The following MYRIP variants were observed in gnomAD, a reference collection of about 807,000 sequenced individuals.
MYRIP encodes the protein myosin VIIA and Rab interacting protein.
In MYRIP, 49 loss-of-function variants were observed where a neutral mutation model predicts 98.0. That is an observed-to-expected ratio of 0.50 (90% CI 0.40 to 0.63). The LOEUF is 0.63. Among genes scored for constraint, MYRIP ranks in the 30% least tolerant of loss-of-function variants. The pLI, the probability that MYRIP is intolerant of heterozygous loss-of-function variation, is 0.00. For synonymous variants in MYRIP, 404 were observed against 409.5 expected (o/e 0.99, Z 0.16); for missense variants, 1,004 against 1,058.2 (o/e 0.95, Z 0.71).
chr3:39,988,522 T>A (rs189326766), intron 2 of MYRIP, among the ~76,000 whole-genome samples: 1 of 152,170 alleles, frequency 6.6e-6, no homozygotes. Flanking sequence ...ATCTTAGTGG[T>A]GTTCTCTGTA....
At chr3:40,189,503 T>A (rs1173470878) in intron 9 of MYRIP, among the ~76,000 whole-genome samples, 1 of 152,076 alleles carries the variant, frequency 6.6e-6, no homozygotes, top group Admixed American at 6.5e-5. Flanking sequence ...CCCTCTCCCC[T>A]CCCCTTCCAG....
intron 2 of MYRIP, among the ~76,000 whole-genome samples, chr3:40,024,060 A>G (rs1947066598): frequency 6.6e-6 from 1 of 152,172 alleles, no homozygotes. Context: ...TGGTGGAGGA[A>G]GTAGGGTACT....
intron 3 of MYRIP, among the ~76,000 whole-genome samples, chr3:40,140,050 T>C (rs552326927): frequency 6.6e-6 from 1 of 152,338 alleles, no homozygotes; most frequent in East Asian, 1.9e-4. Flanking sequence ...AAAAGAAATA[T>C]TTCATAGGGA....
intron 10 of MYRIP, among the ~76,000 whole-genome samples, chr3:40,197,566 T>C (rs903510578): frequency 4.6e-5 from 7 of 152,262 alleles, no homozygotes; most frequent in Non-Finnish European, 1.0e-4. Flanking sequence ...TGCAGGTCTA[T>C]GTCTGCTTCT....
intron 2 of MYRIP, among the ~76,000 whole-genome samples, chr3:39,919,684 G>T (rs78722777): frequency 1.8e-3 from 267 of 146,830 alleles, no homozygotes; most frequent in African/African-American, 6.7e-3. Flanking sequence ...CATGTGTGCG[G>T]GTATGTGTGG....
intron 2 of MYRIP, among the ~76,000 whole-genome samples, chr3:39,966,207 T>C (rs1219013604): frequency 6.6e-6 from 1 of 152,108 alleles, no homozygotes; most frequent in Non-Finnish European, 1.5e-5. Context: ...GTTTAGAGTG[T>C]ATCTATTGCC....
intron 1 of MYRIP, among the ~76,000 whole-genome samples, chr3:39,882,355 T>G (rs889372072): frequency 6.6e-6 from 1 of 152,182 alleles, no homozygotes; most frequent in African/African-American, 2.4e-5. Context: ...GCTTGTACGT[T>G]GGGCAACTTT....
chr3:39,925,768 T>G (rs1367084752), intron 2 of MYRIP, among the ~76,000 whole-genome samples: 1 of 152,178 alleles, frequency 6.6e-6, no homozygotes, highest in African/African-American at 2.4e-5. Flanking sequence ...TCCTTGCTAT[T>G]GTGAATAGTG....
intron 3 of MYRIP, among the ~76,000 whole-genome samples, chr3:40,121,111 G>A (rs1036756240): frequency 1.8e-4 from 28 of 152,128 alleles, no homozygotes; most frequent in African/African-American, 6.3e-4. Flanking sequence ...GGCCCCTTGA[G>A]AGCCAGATAG....
rs112664910 is a variant in MYRIP, at chr3:40,212,257, T to TACACAC, written c.1905+2168_1905+2169insACACAC. On this transcript the variant is annotated intron_variant, in intron 11 of 16. Transcript: ENST00000302541. ...ACACACACACACACATATATATATA[T>TACACAC]ACACGTATATATATAGAGAGAGAGC... Among the ~76,000 whole-genome samples the TACACAC allele has an allele frequency of 1.7e-3, 151 of 91,508 alleles. 12 individuals carry two copies. The highest frequency in any genetic ancestry group is 4.6e-3 in the African/African-American group (134 of 29,340). 60.0% of individuals were successfully genotyped at this position (91,508 alleles called of 152,430 possible). A position where few individuals can be genotyped will look rare whatever the true frequency, so the allele number is the denominator to read the frequency against.
At chr3:39,982,127 C>A (rs1357649360) in intron 2 of MYRIP, among the ~76,000 whole-genome samples, 1 of 152,142 alleles carries the variant, frequency 6.6e-6, no homozygotes, top group African/African-American at 2.4e-5. Flanking sequence ...AACAGAATGG[C>A]AGACAGAGCA....
At chr3:39,981,037 G>A (rs1945881344) in intron 2 of MYRIP, among the ~76,000 whole-genome samples, 1 of 152,098 alleles carries the variant, frequency 6.6e-6, no homozygotes, top group Non-Finnish European at 1.5e-5. Flanking sequence ...CAGTTAAGGT[G>A]GTAAATTTTA....
chr3:40,192,340 T>C (rs1223077358), intron 10 of MYRIP, among the ~76,000 whole-genome samples: 1 of 75,838 alleles, frequency 1.3e-5, no homozygotes, highest in Non-Finnish European at 3.0e-5. Flanking sequence ...TATATATATA[T>C]GTCATATATA....
At chr3:40,208,472 ACT>A (rs1262147078) in intron 10 of MYRIP, among the ~76,000 whole-genome samples, 1 of 152,074 alleles carries the variant, frequency 6.6e-6, no homozygotes, top group Non-Finnish European at 1.5e-5. Flanking sequence ...TAAGAGTCAC[ACT>A]CTCTATGTCT....
At chr3:39,964,250 AC>A (rs1240407908) in intron 2 of MYRIP, among the ~76,000 whole-genome samples, 2 of 152,122 alleles carry the variant, frequency 1.3e-5, no homozygotes, top group Non-Finnish European at 2.9e-5. Flanking sequence ...TTTGCTTTCT[AC>A]TACTTCCAAA....
intron 10 of MYRIP, among the ~76,000 whole-genome samples, chr3:40,192,345 T>TATATATATGTCATATATATATATGTC (rs1559445055): frequency 6.5e-5 from 8 of 122,138 alleles, no homozygotes; most frequent in African/African-American, 2.1e-4. Flanking sequence ...ATATATGTCA[T>TATATATATGTCATATATATATATGTC]ATATATATTT....
At chr3:39,998,078 T>C (rs1428598350) in intron 2 of MYRIP, among the ~76,000 whole-genome samples, 2 of 152,174 alleles carry the variant, frequency 1.3e-5, no homozygotes, top group South Asian at 2.1e-4. Flanking sequence ...GCCAATATCA[T>C]ACTGAATGGG....
chr3:40,060,711 C>T (rs1311017325), intron 3 of MYRIP, among the ~76,000 whole-genome samples: 1 of 151,850 alleles, frequency 6.6e-6, no homozygotes, highest in African/African-American at 2.4e-5. Context: ...CTTGCCTCAG[C>T]CTCCCTAGTA....
intron 3 of MYRIP, among the ~76,000 whole-genome samples, chr3:40,135,355 A>C (rs890360732): frequency 6.6e-6 from 1 of 152,154 alleles, no homozygotes; most frequent in Non-Finnish European, 1.5e-5. Flanking sequence ...AAGAAACGAA[A>C]AAAGCCTCCA....
Sources: gnomAD v4.1 joint callset for allele counts (sites outside exome capture counted in the v4.1 genomes callset) on GRCh38, gnomAD v4.1.1 for gene constraint, MANE v1.5 for transcripts, NCBI Gene and HGNC (gene_info 2026-07-23, HGNC 2026-07-21) for gene names.